SLC5A11: variants seen among roughly 807,000 people sequenced by gnomAD.
SLC5A11 encodes the protein solute carrier family 5 member 11.
A neutral mutation model predicts 69.8 loss-of-function variants in SLC5A11; 48 were observed. The observed-to-expected ratio is 0.69, with a 90% confidence interval of 0.55 to 0.87. The LOEUF (loss-of-function observed/expected upper bound fraction) is 0.87. Among genes scored for constraint, SLC5A11 ranks in the 40% least tolerant of loss-of-function variants. SLC5A11 has a pLI of 0.00. For synonymous variants in SLC5A11, 319 were observed against 342.4 expected, an observed-to-expected ratio of 0.93 and a Z score of 0.75; for missense variants, 784 against 866.1, an observed-to-expected ratio of 0.91 and a Z score of 1.19.
chr16:24,872,364 G>C (rs2047362000), intron 5 of SLC5A11, 145 bp downstream of exon 6: 9 of 924,542 alleles, frequency 9.7e-6, no homozygotes, highest in Non-Finnish European at 1.6e-5. Flanking sequence ...GTAAAGGGGA[G>C]GGATGATCCA....
chr16:24,857,828 C>G (rs1282978975), intron 1 of SLC5A11, among the ~76,000 whole-genome samples: 1 of 152,204 alleles, frequency 6.6e-6, no homozygotes, highest in African/African-American at 2.4e-5. Flanking sequence ...TGATATGTAA[C>G]AACATATTCA....
chr16:24,887,322 A>C (rs1329549528), intron 8 of SLC5A11, among the ~76,000 whole-genome samples: 3 of 152,202 alleles, frequency 2.0e-5, no homozygotes, highest in Non-Finnish European at 4.4e-5. Flanking sequence ...GATCTGAAAA[A>C]ATTGTGTGGT....
At chr16:24,905,584 T>G (rs1440779495) in intron 10 of SLC5A11, among the ~76,000 whole-genome samples, 2 of 151,164 alleles carry the variant, frequency 1.3e-5, no homozygotes, top group Non-Finnish European at 2.9e-5. Context: ...ATGGCACCAC[T>G]GAACTCCAGC....
chr16:24,865,880 A>G (rs1396116115), intron 3 of SLC5A11, among the ~76,000 whole-genome samples: 1 of 151,994 alleles, frequency 6.6e-6, no homozygotes, highest in Admixed American at 6.6e-5. Flanking sequence ...AACATACAGT[A>G]TAAATTGGTT....
chr16:24,860,567 C>T (rs2059724678), intron 2 of SLC5A11, among the ~76,000 whole-genome samples: 1 of 152,256 alleles, frequency 6.6e-6, no homozygotes, highest in African/African-American at 2.4e-5. Flanking sequence ...TGTGATTATA[C>T]TAGTTTGTGT....
chr16:24,878,039 G>A (rs555617707), intron 7 of SLC5A11, among the ~76,000 whole-genome samples: 1 of 152,164 alleles, frequency 6.6e-6, no homozygotes, highest in African/African-American at 2.4e-5. Context: ...TGTAATTCCA[G>A]CTACTCAGGA....
chr16:24,911,431 C>G, exon 16 of SLC5A11: 1 of 1,614,142 alleles, frequency 6.2e-7, no homozygotes. Context: ...CAGAAGCCAT[C>G]ATAGTTTCCC....
intron 2 of SLC5A11, among the ~76,000 whole-genome samples, chr16:24,860,965 C>T (rs1018191017): frequency 3.3e-5 from 5 of 152,018 alleles, no homozygotes; most frequent in Admixed American, 3.3e-4. Flanking sequence ...CCTCGGCCTC[C>T]CAAAGTGCTG....
intron 12 of SLC5A11, among the ~76,000 whole-genome samples, chr16:24,907,622 C>T (rs552636377): frequency 6.5e-4 from 99 of 152,050 alleles, no homozygotes; most frequent in African/African-American, 2.3e-3. Flanking sequence ...GCAGGAGAAT[C>T]GTTTGAACCC....
chr16:24,849,591 A>ACATATATATATATAT (rs60683631), intron 1 of SLC5A11, among the ~76,000 whole-genome samples: 23 of 57,522 alleles, frequency 4.0e-4, no homozygotes, highest in African/African-American at 1.3e-3. Context: ...AAAAAAAAAA[A>ACATATATATATATAT]AAATATATAT....
chr16:24,871,787 G>A (rs1353073395), intron 4 of SLC5A11, among the ~76,000 whole-genome samples: 1 of 152,078 alleles, frequency 6.6e-6, no homozygotes, highest in Non-Finnish European at 1.5e-5. Context: ...TGAGAAAAAT[G>A]AGTCTCGGAG....
intron 15 of SLC5A11, 104 bp from the exon 17 acceptor site, chr16:24,911,224 G>A (rs544052728): frequency 1.7e-5 from 16 of 957,568 alleles, no homozygotes; most frequent in East Asian, 1.3e-4. Flanking sequence ...GGTGGTTCAC[G>A]CCTGTAATCC....
intron 9 of SLC5A11, among the ~76,000 whole-genome samples, chr16:24,892,997 G>A (rs1236838699): frequency 1.3e-5 from 2 of 151,970 alleles, no homozygotes; most frequent in East Asian, 3.9e-4. Flanking sequence ...CTGGCTGGGT[G>A]CGGTGGCTCA....
intron 10 of SLC5A11, among the ~76,000 whole-genome samples, chr16:24,905,110 A>G (rs1434681769): frequency 6.6e-6 from 1 of 152,016 alleles, no homozygotes; most frequent in Non-Finnish European, 1.5e-5. Context: ...GAAATGGCAC[A>G]TATTTTTAAA....
intron 6 of SLC5A11, among the ~76,000 whole-genome samples, chr16:24,876,072 TGTA>T (rs2047652787): frequency 6.6e-6 from 1 of 152,016 alleles, no homozygotes; most frequent in East Asian, 1.9e-4. Context: ...GGCTGATGCC[TGTA>T]GTCCCAGCTA....
intron 2 of SLC5A11, 37 bp from the exon 4 acceptor site, chr16:24,862,564 C>CAG (rs1453012073): frequency 4.0e-5 from 63 of 1,582,598 alleles, no homozygotes; most frequent in Non-Finnish European, 5.1e-5. Flanking sequence ...TGATTGCTAA[C>CAG]GTCTTCCCTC....
At position 24,870,006 on chromosome 16, in the gene SLC5A11, G is replaced by A. The variant is rs149171326; in HGVS notation, c.312+1G>A. The A allele has an allele frequency of 6.2e-6, 10 of 1,607,550 alleles. No individual in the cohort carries two copies. In the East Asian group the frequency reaches 1.8e-4, roughly 29 times the overall value. ...TTCTGTATCAGCTTATGAACTTAAT[G>A]TAAGTATTTTACCTAGGGCATAGAT... On this transcript the variant is annotated splice_donor_variant, in intron 4 of 15. Coordinates refer to ENST00000347898, the Ensembl canonical transcript of SLC5A11. LOFTEE classifies it high-confidence loss of function.
chr16:24,880,130 C>T (rs1238818827), intron 7 of SLC5A11, among the ~76,000 whole-genome samples: 1 of 151,934 alleles, frequency 6.6e-6, no homozygotes, highest in African/African-American at 2.4e-5. Flanking sequence ...TCCATTCTCA[C>T]ACTGCTATGA....
At chr16:24,868,073 T>C (rs2047022986) in intron 3 of SLC5A11, among the ~76,000 whole-genome samples, 1 of 150,472 alleles carries the variant, frequency 6.6e-6, no homozygotes, top group South Asian at 2.1e-4. Flanking sequence ...GGAAGCAGAG[T>C]TTGCAGTGAG....
Sources: allele counts gnomAD v4.1 joint callset (sites outside exome capture counted in the v4.1 genomes callset), GRCh38; gene constraint gnomAD v4.1.1; transcripts MANE v1.5; gene names NCBI Gene and HGNC (gene_info 2026-07-23, HGNC 2026-07-21).